Variants in TXNDC11 observed in about 807,000 individuals in gnomAD.
TXNDC11 encodes thioredoxin domain-containing protein 11.
Under a neutral mutation model 78.0 loss-of-function variants are expected in TXNDC11, and 68 were observed. The observed-to-expected ratio is 0.87, with a 90% CI of 0.72 to 1.07. The LOEUF is 1.07. Among genes scored for constraint, TXNDC11 ranks in the 50% least tolerant of loss-of-function variants. The probability of loss-of-function intolerance (pLI) is 0.00; values close to 1 mark genes in which losing one functional copy is unlikely to be tolerated. For missense variants in TXNDC11, 1,389 were observed against 1,221.8 expected (o/e 1.14, Z -2.04); for synonymous variants, 571 against 495.2 (o/e 1.15, Z -2.03).
chr16:11,701,284 G>C (rs939000570), intron 5 of TXNDC11, among the ~76,000 whole-genome samples: 4 of 151,684 alleles, frequency 2.6e-5, no homozygotes, highest in Admixed American at 1.3e-4. Context: ...TTACAGGCGT[G>C]TGCCACCACA....
At position 11,687,759 on chromosome 16, in the gene TXNDC11, T is replaced by C. The variant is rs75979233; in HGVS notation, c.2153+98A>G. On this transcript the variant is annotated intron_variant, in intron 10 of 11. Transcript: ENST00000283033. ...TCAGCCAAGTCCTACCAAAGGTTAA[T>C]GGAAAATGGGCAGACCCTCACACAC... 9,087 of 812,578 alleles carry C rather than the reference T, an allele frequency of 0.011. 610 individuals carry two copies. In the African/African-American group the frequency reaches 0.14, roughly 12 times the overall value. 50.3% of individuals were successfully genotyped at this position (812,578 alleles called of 1,614,324 possible).
Position 11,679,526 on chromosome 16 carries a change from T to C in TXNDC11, c.2546A>G (p.His849Arg). 4 of 1,613,416 alleles carry C rather than the reference T, an allele frequency of 2.5e-6. No individual in the cohort carries two copies. The highest frequency in any genetic ancestry group is 3.4e-6 in the Non-Finnish European group (4 of 1,180,016). The part of the protein sequence containing the change: ...RQQQRALEEQ[H>R]SLLHAHSEQL... ...CTCACTGTGTGCGTGGAGCAGGCTG[T>C]GCTGCTCTTCCAGGGCCCGCTGCTG... The change falls in exon 12 of 12, where the codon CAC becomes CGC. Residue 849 changes from histidine to arginine, a missense_variant. His to Arg is a conservative substitution (Grantham distance 29). Coordinates refer to ENST00000283033, the MANE Select transcript of TXNDC11 (RefSeq NM_015914.7). This position sits in a 1 kb window ranked among gnomAD's most constrained non-coding sequence, Gnocchi z 4.6.
chr16:11,708,355 C>G (rs2051243117), intron 5 of TXNDC11, among the ~76,000 whole-genome samples: 1 of 152,172 alleles, frequency 6.6e-6, no homozygotes, highest in Non-Finnish European at 1.5e-5. Context: ...GTCCCCTTTT[C>G]TTCAAAAAGG....
chr16:11,733,417 C>T (rs1323558540), intron 3 of TXNDC11, among the ~76,000 whole-genome samples: 1 of 151,830 alleles, frequency 6.6e-6, no homozygotes, highest in Non-Finnish European at 1.5e-5. Context: ...GTCCCAACTA[C>T]TTGGGAGGCT....
At chr16:11,723,221 G>A (rs969584087) in intron 4 of TXNDC11, among the ~76,000 whole-genome samples, 4 of 151,078 alleles carry the variant, frequency 2.6e-5, no homozygotes, top group Non-Finnish European at 4.4e-5. Flanking sequence ...TCATGCCCCT[G>A]CACTCCAGCA....
chr16:11,691,913 G>C lies in TXNDC11; in HGVS notation c.1277C>G (p.Thr426Ser). ...PTITASPCCN[T>S]VVLPQWHSFS... ...GGAGTGCCACTGGGGCAGCACCACAGTGTTGCAGCAGGGGGACGCTGTGAT... is the reference window on the plus strand; with the variant it reads ...GGAGTGCCACTGGGGCAGCACCACACTGTTGCAGCAGGGGGACGCTGTGAT... Residue 426 changes from threonine (T) to serine (S), a missense_variant, in exon 8 of 12, where the codon ACT becomes AGT. Thr to Ser is a moderately conservative substitution (Grantham distance 58, BLOSUM62 1). Coordinates refer to ENST00000283033, the MANE Select transcript of TXNDC11 (RefSeq NM_015914.7). 1 of 1,613,788 alleles carries C rather than the reference G, an allele frequency of 6.2e-7. No individual in the cohort carries two copies. Among genetic ancestry groups the C allele is most frequent in the Non-Finnish European group, 8.5e-7 (1 of 1,179,636 alleles).
At chr16:11,719,628 G>C (rs2051643215) in intron 5 of TXNDC11, among the ~76,000 whole-genome samples, 1 of 152,184 alleles carries the variant, frequency 6.6e-6, no homozygotes, top group East Asian at 1.9e-4. Context: ...GAAGGTAATA[G>C]GGTCATTAAT....
At position 11,736,148 on chromosome 16, in the gene TXNDC11, G is replaced by GC; in HGVS notation, c.339dup (p.Gln114AlafsTer35). Reference sequence around the variant, plus strand: ...CGAACGTACTCTGCATAATCCAGCTGCCCCTGGAAGAGGTCAAGGACTGGA... The same window carrying GC: ...CGAACGTACTCTGCATAATCCAGCTGCCCCCTGGAAGAGGTCAAGGACTGGA... On this transcript the variant is annotated frameshift_variant, in exon 2 of 12. Coordinates refer to ENST00000283033, the MANE Select transcript of TXNDC11 (RefSeq NM_015914.7). LOFTEE classifies it high-confidence loss of function. 6.2e-7 allele frequency: 1 copy of GC among 1,614,198 alleles called. No individual in the cohort carries two copies. The highest frequency in any genetic ancestry group is 8.5e-7 in the Non-Finnish European group (1 of 1,180,034).
rs747141326 is a variant in TXNDC11 at position 11,698,225 on chromosome 16, C to T, written c.1007G>A (p.Gly336Asp). 1.2e-6 allele frequency: 2 copies of T among 1,614,208 alleles called. No individual in the cohort carries two copies. Among genetic ancestry groups the T allele is most frequent in the South Asian group, 1.1e-5 (1 of 91,090 alleles). The change falls in exon 7 of 12, where the codon GGC (glycine) becomes GAC (aspartate). Residue 336 changes from glycine to aspartate, a missense_variant. Coordinates refer to ENST00000283033, the MANE Select transcript of TXNDC11 (RefSeq NM_015914.7). ...TLFRWLRPHG[G>D]KSLLLNNELK... Reference sequence around the variant, plus strand: ...CTCGTTATTCAGCAGGAGACTCTTGCCTCCGTGTGGCCGCAGCCACCGAAA... The same window carrying T: ...CTCGTTATTCAGCAGGAGACTCTTGTCTCCGTGTGGCCGCAGCCACCGAAA...
chr16:11,698,302 G>C lies in TXNDC11; in HGVS notation c.930C>G (p.Asn310Lys), dbSNP rs1178526250. ...ACTTACAGATGTTCTCAGCTGTGTA[G>C]TTCAGGACCTCCCTGGGGAAGACCT... is the stretch of plus-strand genomic sequence containing the variant. ...TSLVFPREVL[N>K]YTAENICKWA... Residue 310 changes from asparagine to lysine, a missense_variant, in exon 7 of 12, where the codon AAC becomes AAG. Physicochemically the swap from Asn to Lys is moderately conservative, Grantham distance 94 (BLOSUM62 0). Coordinates refer to ENST00000283033, the MANE Select transcript of TXNDC11 (RefSeq NM_015914.7). 1.2e-6 allele frequency: 2 copies of C among 1,613,792 alleles called. No individual in the cohort carries two copies. Among genetic ancestry groups the C allele is most frequent in the South Asian group, 2.2e-5 (2 of 91,056 alleles).
chr16:11,742,852 A>T lies in TXNDC11; in HGVS notation c.-122T>A, dbSNP rs2052453793. 7.7e-7 allele frequency: 1 copy of T among 1,301,538 alleles called. No individual in the cohort carries two copies. Among genetic ancestry groups the T allele is most frequent in the Non-Finnish European group, 9.8e-7 (1 of 1,023,724 alleles). 80.6% of individuals were successfully genotyped at this position (1,301,538 alleles called of 1,614,324 possible). ...CCCGCTAACCCGGACGCTCCACGTC[A>T]GCCGCGCCGCCGCCGCGGGGTCCGC... is the stretch of plus-strand genomic sequence containing the variant. On this transcript the variant is annotated 5_prime_UTR_variant, in exon 1 of 12. Transcript: ENST00000283033.
At chr16:11,682,548 A>G (rs1469069227) in intron 11 of TXNDC11, among the ~76,000 whole-genome samples, 1 of 152,184 alleles carries the variant, frequency 6.6e-6, no homozygotes, top group Non-Finnish European at 1.5e-5. Flanking sequence ...CTCTACACAG[A>G]TGCATTTCTG....
intron 11 of TXNDC11, among the ~76,000 whole-genome samples, chr16:11,680,408 C>G (rs1319332687): frequency 6.6e-6 from 1 of 152,232 alleles, no homozygotes; most frequent in Non-Finnish European, 1.5e-5. Flanking sequence ...ACCTGGCAAC[C>G]TGATAACTGG....
Position 11,691,765 on chromosome 16 carries a change from G to A in TXNDC11, c.1425C>T (p.Phe475=), listed in dbSNP as rs1291384372. The A allele has an allele frequency of 5.6e-6, 9 of 1,614,098 alleles. No homozygotes were observed. In the East Asian group the frequency reaches 2.0e-4, roughly 36 times the overall value. The change falls in exon 8 of 12, where the codon TTC becomes TTT. Residue 475 remains phenylalanine (F), a synonymous_variant. Transcript: ENST00000283033. The part of the protein sequence containing the change: ...FFEMAAALDS[F]YLKEQTFYHV... The stretch of plus-strand genomic sequence containing the variant: ...GATAAAAGGTCTGCTCCTTGAGGTA[G>A]AAAGAATCCAGAGCTGCTGCCATTT...
chr16:11,690,412 G>C (rs916975218), intron 8 of TXNDC11, among the ~76,000 whole-genome samples: 1 of 152,184 alleles, frequency 6.6e-6, no homozygotes, highest in Non-Finnish European at 1.5e-5. Flanking sequence ...ACTTGTTACA[G>C]TGTAGGTACC....
intron 3 of TXNDC11, among the ~76,000 whole-genome samples, chr16:11,733,029 G>C (rs1033393128): frequency 6.6e-6 from 1 of 152,112 alleles, no homozygotes; most frequent in Non-Finnish European, 1.5e-5. Context: ...AGCAGGGTCT[G>C]GGCTGTACTC....
intron 5 of TXNDC11, among the ~76,000 whole-genome samples, chr16:11,705,764 T>C (rs1437960745): frequency 6.6e-6 from 1 of 152,232 alleles, no homozygotes; most frequent in African/African-American, 2.4e-5. Context: ...ATTTAAGTTC[T>C]AGCATATGGT....
intron 1 of TXNDC11, among the ~76,000 whole-genome samples, chr16:11,738,695 C>CA (rs1038846401): frequency 3.3e-5 from 5 of 151,656 alleles, no homozygotes; most frequent in Non-Finnish European, 5.9e-5. Context: ...TCAAGAGATC[C>CA]AAAATTCTGC....
intron 4 of TXNDC11, among the ~76,000 whole-genome samples, chr16:11,724,073 G>C (rs560174729): frequency 6.6e-6 from 1 of 152,150 alleles, no homozygotes; most frequent in Non-Finnish European, 1.5e-5. Context: ...CTTGAGGCCA[G>C]GAGTTCAAGA....
Sources: gnomAD v4.1 joint callset for allele counts (sites outside exome capture counted in the v4.1 genomes callset) on GRCh38, gnomAD v4.1.1 for gene constraint, Gnocchi (gnomAD v3.1) non-coding constraint, MANE v1.5 for transcripts, NCBI Gene and HGNC (gene_info 2026-07-23, HGNC 2026-07-21) for gene names.